The following TAF4 variants were observed in gnomAD, a reference collection of about 807,000 sequenced individuals.
TAF4 encodes the protein TATA-box binding protein associated factor 4.
Under a neutral mutation model 90.3 loss-of-function variants are expected in TAF4, and 9 were observed. The ratio of observed to expected loss-of-function variants is 0.10; its 90% CI spans 0.06 to 0.17. The LOEUF is 0.17. Ranked by LOEUF, TAF4 falls within the 10% of genes least tolerant of loss-of-function variation. The pLI, the probability that TAF4 is intolerant of heterozygous loss-of-function variation, is 1.00. For synonymous variants in TAF4, 818 were observed against 638.9 expected (o/e 1.28, Z -4.23); for missense variants, 1,351 against 1,370.7 (o/e 0.99, Z 0.23).
chr20:61,981,106 G>A (rs569623420), intron 14 of TAF4: 4 of 152,368 alleles, frequency 2.6e-5, no homozygotes, highest in East Asian at 3.9e-4. Context: ...AGAACTGGAG[G>A]ACAACTTCCG....
rs868787350 is a variant in TAF4 at position 62,063,084 on chromosome 20, G to A, written c.1360+1367C>T. ...GCAAAACACCCCTACAAACGCTTCA[G>A]TACCCCAAAAGCTTGTCGTAAAGGG... is the stretch of plus-strand genomic sequence containing the variant. On this transcript the variant is annotated intron_variant, in intron 1 of 14. Transcript: ENST00000252996. Among the ~76,000 whole-genome samples, 4 of 152,142 alleles carry A rather than the reference G, an allele frequency of 2.6e-5. No homozygotes were observed. In the South Asian group the frequency reaches 6.2e-4, roughly 24 times the overall value.
chr20:61,991,644 A>C (rs2055632253), intron 14 of TAF4, among the ~76,000 whole-genome samples: 2 of 152,174 alleles, frequency 1.3e-5, no homozygotes, highest in Non-Finnish European at 2.9e-5. Context: ...TTAAAAATTA[A>C]GAGACTGTAA....
At chr20:61,982,820 G>C (rs958105740) in intron 14 of TAF4, among the ~76,000 whole-genome samples, 3 of 152,208 alleles carry the variant, frequency 2.0e-5, no homozygotes, top group South Asian at 2.1e-4. Flanking sequence ...GGGCTGCCGG[G>C]GAGGAAGAGA....
chr20:62,034,239 G>C (rs959708905), intron 1 of TAF4, among the ~76,000 whole-genome samples: 1 of 152,154 alleles, frequency 6.6e-6, no homozygotes, highest in Non-Finnish European at 1.5e-5. Flanking sequence ...ATTTTTAATG[G>C]AAGAGTTGAA....
At chr20:62,042,601 G>A (rs768559323) in intron 1 of TAF4, among the ~76,000 whole-genome samples, 84 of 151,986 alleles carry the variant, frequency 5.5e-4, no homozygotes, top group Middle Eastern at 6.8e-3. Flanking sequence ...GCACCTGCCC[G>A]TCTGCACGCT....
intron 1 of TAF4, among the ~76,000 whole-genome samples, chr20:62,018,759 G>T (rs752671248): frequency 3.3e-5 from 5 of 152,232 alleles, no homozygotes; most frequent in Middle Eastern, 3.2e-3. Flanking sequence ...CCCAGCCCTC[G>T]AGTCAGGGAG....
At chr20:61,990,702 CAGG>C (rs1341114126) in intron 14 of TAF4, among the ~76,000 whole-genome samples, 1 of 152,200 alleles carries the variant, frequency 6.6e-6, no homozygotes, top group African/African-American at 2.4e-5. Context: ...GGGCCTCACG[CAGG>C]AGAGAACCTG....
chr20:62,037,230 TTC>T (rs2055937371), intron 1 of TAF4, among the ~76,000 whole-genome samples: 2 of 152,136 alleles, frequency 1.3e-5, no homozygotes, highest in South Asian at 4.1e-4. Flanking sequence ...TTCTCAACGC[TTC>T]TGTTTGTCAT....
chr20:62,004,315 T>G (rs2055728888), intron 7 of TAF4, among the ~76,000 whole-genome samples: 2 of 123,446 alleles, frequency 1.6e-5, no homozygotes, highest in African/African-American at 5.6e-5. Flanking sequence ...AATTTTCTTT[T>G]TTCTTTTCTT....
chr20:62,059,284 AT>A (rs2056076991), intron 1 of TAF4, among the ~76,000 whole-genome samples: 1 of 152,252 alleles, frequency 6.6e-6, no homozygotes, highest in East Asian at 1.9e-4. Context: ...GAGGGGCCTC[AT>A]GGTGGACAAC....
At chr20:62,029,482 G>GCACACA (rs1171355797) in intron 1 of TAF4, among the ~76,000 whole-genome samples, 1 of 133,574 alleles carries the variant, frequency 7.5e-6, no homozygotes, top group African/African-American at 3.2e-5. Flanking sequence ...ACGTGCGCGC[G>GCACACA]CGCGCACACA....
At chr20:61,999,555 G>A (rs1305051374) in intron 11 of TAF4, among the ~76,000 whole-genome samples, 2 of 152,178 alleles carry the variant, frequency 1.3e-5, no homozygotes, top group Non-Finnish European at 1.5e-5. Flanking sequence ...AGGAAGGCAC[G>A]TTTTACTTGG....
At chr20:62,028,805 C>A (rs2145491188) in intron 1 of TAF4, among the ~76,000 whole-genome samples, 1 of 152,326 alleles carries the variant, frequency 6.6e-6, no homozygotes, top group African/African-American at 2.4e-5. Context: ...AAAGCACCTG[C>A]CTAAGCCTCC....
rs1407673893 is a variant in TAF4 at position 62,006,940 on chromosome 20, T to A, written c.1975-182A>T. On this transcript the variant is annotated intron_variant, in intron 6 of 14. Coordinates refer to ENST00000252996, the MANE Select transcript of TAF4 (RefSeq NM_003185.4). This position sits in a 1 kb window ranked among gnomAD's most constrained non-coding sequence, Gnocchi z 7.0. ...GACCCCATCCTGCCCTCCCACTAAGTGGGATTATTCCTGATAGCAAATGTC... is the reference window on the plus strand; with the variant it reads ...GACCCCATCCTGCCCTCCCACTAAGAGGGATTATTCCTGATAGCAAATGTC... The A allele has an allele frequency of 1.4e-6, 1 of 739,838 alleles. No individual in the cohort carries two copies. Among genetic ancestry groups the A allele is most frequent in the East Asian group, 3.4e-5 (1 of 29,616 alleles). The allele number at this position is 739,838 out of a possible 1,614,324, so 45.8% of individuals were successfully genotyped here.
At chr20:62,038,696 A>G (rs1297908574) in intron 1 of TAF4, among the ~76,000 whole-genome samples, 1 of 152,208 alleles carries the variant, frequency 6.6e-6, no homozygotes. Flanking sequence ...AGAACACTCG[A>G]TATTGCTAAG....
intron 1 of TAF4, among the ~76,000 whole-genome samples, chr20:62,028,452 A>G (rs574043657): frequency 1.3e-5 from 2 of 152,292 alleles, no homozygotes; most frequent in African/African-American, 2.4e-5. Flanking sequence ...TTGACAGGAC[A>G]TGAAACCCAC....
chr20:62,019,062 C>T (rs182973069), intron 1 of TAF4, among the ~76,000 whole-genome samples: 4 of 152,304 alleles, frequency 2.6e-5, no homozygotes, highest in African/African-American at 2.4e-5. Flanking sequence ...AGCCAATGTG[C>T]ACATACAACC....
chr20:62,014,386 C>G (rs918245642), intron 2 of TAF4, among the ~76,000 whole-genome samples, 161 bp downstream of exon 2: 1 of 152,156 alleles, frequency 6.6e-6, no homozygotes, highest in Non-Finnish European at 1.5e-5. Context: ...AGCGCCGTCC[C>G]GGGCCCATCC....
chr20:61,983,921 T>G (rs2055566085), intron 14 of TAF4, among the ~76,000 whole-genome samples: 1 of 152,044 alleles, frequency 6.6e-6, no homozygotes, highest in African/African-American at 2.4e-5. Context: ...CGGTCTGACG[T>G]GTGACAAAGA....
Sources: gnomAD v4.1 joint callset for allele counts (sites outside exome capture counted in the v4.1 genomes callset) on GRCh38, gnomAD v4.1.1 for gene constraint, Gnocchi (gnomAD v3.1) non-coding constraint, MANE v1.5 for transcripts, NCBI Gene and HGNC (gene_info 2026-07-23, HGNC 2026-07-21) for gene names.